PIK3C3: variants seen among roughly 807,000 people sequenced by gnomAD.
The protein encoded by PIK3C3 is phosphatidylinositol 3-kinase catalytic subunit type 3.
Under a neutral mutation model 126.1 loss-of-function variants are expected in PIK3C3, and 95 were observed. The observed-to-expected ratio is 0.75, with a 90% CI of 0.64 to 0.89. The LOEUF (loss-of-function observed/expected upper bound fraction) is 0.89, where lower values mean the gene tolerates loss of function less well. PIK3C3 is among the 40% of genes least tolerant of loss of function. The pLI is 0.00. For synonymous variants in PIK3C3, 374 were observed against 360.0 expected (o/e 1.04, Z -0.44); for missense variants, 829 against 1,063.2 (o/e 0.78, Z 3.06).
chr18:41,971,093 T>C (rs1369119590), intron 4 of PIK3C3: 1 of 153,390 alleles, frequency 6.5e-6, no homozygotes, highest in Non-Finnish European at 1.5e-5. Context: ...CTTAGAAATA[T>C]AAAAACTAAA....
intron 13 of PIK3C3, among the ~76,000 whole-genome samples, chr18:42,022,614 C>T (rs985864949): frequency 1.3e-5 from 2 of 152,036 alleles, no homozygotes; most frequent in Non-Finnish European, 2.9e-5. Flanking sequence ...GATTTTCCCC[C>T]CTTTGGAACC....
Position 42,058,012 on chromosome 18 carries a change from TC to T in PIK3C3, c.2395del (p.Arg799ValfsTer17), listed in dbSNP as rs756366594. 6 of 1,611,584 alleles carry T rather than the reference TC, an allele frequency of 3.7e-6. No individual in the cohort carries two copies. The highest frequency in any genetic ancestry group is 5.1e-6 in the Non-Finnish European group (6 of 1,179,062). On this transcript the variant is annotated frameshift_variant, in exon 22 of 25. Coordinates refer to ENST00000262039, the MANE Select transcript of PIK3C3 (RefSeq NM_002647.4). LOFTEE classifies it high-confidence loss of function. ...ACACAGAGTGAGCAGTACCAAGAGT[TC>T]CGTAAACAGTGTTACACGGCTTTCC... ...GGTQSEQYQE[F>X]RKQCYTAFLH...
chr18:42,061,899 G>A (rs757997532), intron 22 of PIK3C3, among the ~76,000 whole-genome samples: 132 of 151,934 alleles, frequency 8.7e-4, no homozygotes, highest in Non-Finnish European at 1.8e-3. Context: ...TTCTACACCC[G>A]TAAAGGCAGA....
At chr18:41,995,251 A>G (rs1981971335) in intron 7 of PIK3C3, among the ~76,000 whole-genome samples, 1 of 152,166 alleles carries the variant, frequency 6.6e-6, no homozygotes. Flanking sequence ...AGGCTGATAC[A>G]TAAAGAACTC....
At chr18:42,032,856 T>C (rs1983893186) in intron 15 of PIK3C3, among the ~76,000 whole-genome samples, 1 of 152,162 alleles carries the variant, frequency 6.6e-6, no homozygotes, top group African/African-American at 2.4e-5. Context: ...CTTTTCATCA[T>C]TCAGGAGGAG....
chr18:42,016,029 T>TTTGG (rs1168016851), intron 12 of PIK3C3, among the ~76,000 whole-genome samples: 1 of 152,166 alleles, frequency 6.6e-6, no homozygotes, highest in African/African-American at 2.4e-5. Flanking sequence ...TGAAAAGTAC[T>TTTGG]TTGGAAAGTG....
At chr18:42,028,414 G>A (rs566654779) in intron 14 of PIK3C3, among the ~76,000 whole-genome samples, 1 of 152,284 alleles carries the variant, frequency 6.6e-6, no homozygotes, top group Admixed American at 6.5e-5. Flanking sequence ...CAGTGTCACA[G>A]TTTAGCCAGC....
At position 41,969,254 on chromosome 18, in the gene PIK3C3, G is replaced by T. The variant is rs1467946445; in HGVS notation, c.402-1073G>T. Among the ~76,000 whole-genome samples, 3 of 152,092 alleles carry T rather than the reference G, an allele frequency of 2.0e-5. No homozygotes were observed. The East Asian group carries it at 5.8e-4, about 29-fold the overall frequency. On this transcript the variant is annotated intron_variant, in intron 3 of 24. Coordinates refer to ENST00000262039, the MANE Select transcript of PIK3C3 (RefSeq NM_002647.4). The stretch of plus-strand genomic sequence containing the variant: ...ATAGTCTTTTTATTTCTAAGAGTAA[G>T]AAATAACTTATTGAGCTTTGAGTAG...
chr18:41,993,864 T>A (rs911571848), intron 7 of PIK3C3, among the ~76,000 whole-genome samples: 1 of 152,124 alleles, frequency 6.6e-6, no homozygotes, highest in Admixed American at 6.6e-5. Context: ...ATTTTTGAGA[T>A]GATAGCTTTC....
chr18:41,960,570 T>G (rs1980026315), intron 2 of PIK3C3, among the ~76,000 whole-genome samples: 1 of 152,084 alleles, frequency 6.6e-6, no homozygotes, highest in East Asian at 1.9e-4. Flanking sequence ...GCCAAGTGAA[T>G]GTAATCTTAA....
intron 4 of PIK3C3, 87 bp downstream of exon 4, chr18:41,970,543 T>A (rs1212244444): frequency 6.7e-6 from 8 of 1,189,258 alleles, no homozygotes; most frequent in Non-Finnish European, 9.9e-6. Context: ...CTCTGTCAGA[T>A]TTTTAAAAAA....
At chr18:41,970,280 G>A in intron 3 of PIK3C3, 47 bp from the exon 4 acceptor site, 1 of 1,551,752 alleles carries the variant, frequency 6.4e-7, no homozygotes, top group Non-Finnish European at 8.9e-7. Context: ...TTCCTGTAAT[G>A]AACTGTATTA....
intron 4 of PIK3C3, among the ~76,000 whole-genome samples, chr18:41,983,729 A>G (rs1981324226): frequency 6.6e-6 from 1 of 152,108 alleles, no homozygotes; most frequent in South Asian, 2.1e-4. Flanking sequence ...AAGTTGGCCT[A>G]CTTTTGGCTC....
At position 42,086,513 on chromosome 18, in the gene PIK3C3, A is replaced by G. The variant is rs1266912637; in HGVS notation, c.*5376A>G. ...GAGATTGGCTCAAGATAAGGTCACA[A>G]AGACCTTGCTGATAAAACAGTCTGT... is the stretch of plus-strand genomic sequence containing the variant. On this transcript the variant is annotated 3_prime_UTR_variant, in exon 25 of 25. Transcript: ENST00000262039. 6.6e-6 allele frequency: 1 copy of G among 152,228 alleles called. No homozygotes were observed. Among genetic ancestry groups the G allele is most frequent in the Non-Finnish European group, 1.5e-5 (1 of 68,052 alleles). The allele number at this position is 152,228 out of a possible 1,614,324, so 9.4% of individuals were successfully genotyped here.
At chr18:42,044,227 T>G (rs1984456978) in intron 20 of PIK3C3, among the ~76,000 whole-genome samples, 1 of 152,166 alleles carries the variant, frequency 6.6e-6, no homozygotes, top group Non-Finnish European at 1.5e-5. Flanking sequence ...CCTTGTGGTA[T>G]TTTAGAGTCA....
chr18:42,058,133 A>G (rs1313787319), intron 22 of PIK3C3, 82 bp downstream of exon 22: 5 of 1,066,928 alleles, frequency 4.7e-6, no homozygotes, highest in South Asian at 4.3e-5. Context: ...AAATGTATGC[A>G]TTCTTTAGCA....
intron 15 of PIK3C3, among the ~76,000 whole-genome samples, chr18:42,031,670 G>A (rs1200901974): frequency 6.6e-6 from 1 of 152,114 alleles, no homozygotes; most frequent in Non-Finnish European, 1.5e-5. Flanking sequence ...GCCAGCCTCG[G>A]CCTTCCAAAG....
intron 3 of PIK3C3, among the ~76,000 whole-genome samples, chr18:41,968,862 GGCT>G (rs1290600228): frequency 6.6e-6 from 1 of 151,766 alleles, no homozygotes; most frequent in Non-Finnish European, 1.5e-5. Context: ...TTCTCACCCA[GGCT>G]GGAGTACAGT....
In PIK3C3 at chr18:42,043,255, C is replaced by T. The variant is rs142493449; in HGVS notation, c.2104-478C>T. ...CTGGGACTACAGGTGCCTGCCACCACGCTAATTTTTGTATTTTAGTAGAGA... is the reference window on the plus strand; with the variant it reads ...CTGGGACTACAGGTGCCTGCCACCATGCTAATTTTTGTATTTTAGTAGAGA... On this transcript the variant is annotated intron_variant, in intron 19 of 24. Transcript: ENST00000262039. Among the ~76,000 whole-genome samples the T allele has an allele frequency of 3.3e-3, 500 of 151,884 alleles. 4 individuals are homozygous for T. The highest frequency in any genetic ancestry group is 0.012 in the African/African-American group (480 of 41,426).
Sources: gnomAD v4.1 joint callset for allele counts (sites outside exome capture counted in the v4.1 genomes callset) on GRCh38, gnomAD v4.1.1 for gene constraint, MANE v1.5 for transcripts, NCBI Gene and HGNC (gene_info 2026-07-23, HGNC 2026-07-21) for gene names.